Variants in LRRC8A observed in about 807,000 individuals in gnomAD.
The protein encoded by LRRC8A is leucine rich repeat containing 8 VRAC subunit A, also known as volume-regulated anion channel subunit LRRC8A.
In LRRC8A, 24 loss-of-function variants were observed where a neutral mutation model predicts 52.5. That is an observed-to-expected ratio of 0.46 (90% CI 0.33 to 0.64). LRRC8A has a LOEUF of 0.64. LRRC8A is among the 30% of genes least tolerant of loss of function. The pLI is 0.02. For missense variants in LRRC8A, 677 were observed against 1,094.7 expected, an observed-to-expected ratio of 0.62 and a Z score of 5.38; for synonymous variants, 492 against 494.2, an observed-to-expected ratio of 1.00 and a Z score of 0.06.
chr9:128,912,503 A>G (rs1446107024), intron 3 of LRRC8A, among the ~76,000 whole-genome samples: 10 of 11,178 alleles, frequency 8.9e-4, no homozygotes, highest in Non-Finnish European at 2.3e-3. Flanking sequence ...AGGTGGGGCT[A>G]TGGGGGGGGG....
intron 1 of LRRC8A, chr9:128,885,043 C>G (rs1256637681): frequency 6.5e-6 from 1 of 152,762 alleles, no homozygotes. Flanking sequence ...TCCTGGGTAA[C>G]TCCTGCTGAT....
chr9:128,900,485 G>A (rs1839982902), intron 2 of LRRC8A, among the ~76,000 whole-genome samples: 1 of 152,200 alleles, frequency 6.6e-6, no homozygotes, highest in Admixed American at 6.5e-5. Context: ...GAGGTGGGCA[G>A]ATCGCTTGAG....
At chr9:128,904,749 C>G (rs751679291) in intron 2 of LRRC8A, among the ~76,000 whole-genome samples, 2 of 151,886 alleles carry the variant, frequency 1.3e-5, no homozygotes, top group Non-Finnish European at 2.9e-5. Context: ...AATCCCAGTA[C>G]TTTGGGAGGC....
intron 2 of LRRC8A, among the ~76,000 whole-genome samples, chr9:128,890,508 G>A (rs1001446891): frequency 3.9e-5 from 6 of 152,140 alleles, no homozygotes; most frequent in East Asian, 1.9e-4. Flanking sequence ...CATGACAAAC[G>A]CACTGACCAG....
Position 128,895,548 on chromosome 9 carries a change from G to A in LRRC8A, c.-9+9427G>A, listed in dbSNP as rs552494822. ...CTCTGGGTTACTCATTTAACCCCCA[G>A]GCACAGAGATGCCCTGGCCCTGGCC... On this transcript the variant is annotated intron_variant, in intron 2 of 3. Coordinates refer to ENST00000372600, the MANE Select transcript of LRRC8A (RefSeq NM_019594.4). Among the ~76,000 whole-genome samples, 6 of 152,302 alleles carry A rather than the reference G, an allele frequency of 3.9e-5. No homozygotes were observed. The South Asian group carries it at 1.2e-3, about 32-fold the overall frequency.
chr9:128,913,124 C>T (rs1840633627), intron 3 of LRRC8A, among the ~76,000 whole-genome samples: 1 of 152,012 alleles, frequency 6.6e-6, no homozygotes, highest in Non-Finnish European at 1.5e-5. Flanking sequence ...CAGGAGTCTG[C>T]AGAAGAGGAG....
At position 128,917,098 on chromosome 9, in the gene LRRC8A, T is replaced by C. The variant is rs978806738; in HGVS notation, c.*727T>C. On this transcript the variant is annotated 3_prime_UTR_variant, in exon 4 of 4. Coordinates refer to ENST00000372600, the MANE Select transcript of LRRC8A (RefSeq NM_019594.4). ...GCTTTGAAAATGGATGGTTTGGGTA[T>C]TAAAAAGAAAAAAAAAACTTAAAAA... is the stretch of plus-strand genomic sequence containing the variant. 7 of 149,318 alleles carry C rather than the reference T, an allele frequency of 4.7e-5. No homozygotes were observed. Among genetic ancestry groups the C allele is most frequent in the African/African-American group, 1.7e-4 (7 of 40,472 alleles). The allele number at this position is 149,318 out of a possible 1,614,324, so 9.2% of individuals were successfully genotyped here. A position where few individuals can be genotyped will look rare whatever the true frequency, so the allele number is the denominator to read the frequency against.
chr9:128,886,376 T>G (rs1839395915), intron 2 of LRRC8A, among the ~76,000 whole-genome samples: 1 of 152,232 alleles, frequency 6.6e-6, no homozygotes, highest in Non-Finnish European at 1.5e-5. Context: ...CCCCAGATCT[T>G]ATCAGTCTGG....
chr9:128,894,585 G>T (rs1839751398), intron 2 of LRRC8A, among the ~76,000 whole-genome samples: 1 of 151,754 alleles, frequency 6.6e-6, no homozygotes, highest in Non-Finnish European at 1.5e-5. Context: ...TTGAGGTCAG[G>T]AGTTTGAGAC....
intron 2 of LRRC8A, among the ~76,000 whole-genome samples, chr9:128,903,340 G>A (rs1267627855): frequency 6.6e-6 from 1 of 151,742 alleles, no homozygotes; most frequent in Non-Finnish European, 1.5e-5. Flanking sequence ...CCTTCCTCCT[G>A]TCCTCCCCAT....
At chr9:128,888,499 T>C (rs572928112) in intron 2 of LRRC8A, among the ~76,000 whole-genome samples, 9 of 151,968 alleles carry the variant, frequency 5.9e-5, no homozygotes, top group Non-Finnish European at 1.2e-4. Flanking sequence ...CTGGAGGAAG[T>C]GTTGGTTGTG....
chr9:128,890,525 G>A (rs988457621), intron 2 of LRRC8A, among the ~76,000 whole-genome samples: 8 of 152,218 alleles, frequency 5.3e-5, no homozygotes, highest in Non-Finnish European at 1.0e-4. Context: ...CCAGCAGCGG[G>A]GGCGGTGGGC....
At chr9:128,901,515 A>G (rs1168602950) in intron 2 of LRRC8A, among the ~76,000 whole-genome samples, 3 of 151,960 alleles carry the variant, frequency 2.0e-5, no homozygotes, top group African/African-American at 7.3e-5. Flanking sequence ...CAGTCCAGCT[A>G]CTCTGGAGGC....
intron 2 of LRRC8A, among the ~76,000 whole-genome samples, chr9:128,906,576 G>A (rs1279054289): frequency 1.3e-5 from 2 of 151,902 alleles, no homozygotes; most frequent in Non-Finnish European, 2.9e-5. Context: ...ACCCACCTCG[G>A]CCTCCCAAAG....
At chr9:128,882,434 C>T (rs1839094093) in intron 1 of LRRC8A, 184 bp downstream of exon 1, 3 of 332,566 alleles carry the variant, frequency 9.0e-6, no homozygotes, top group Admixed American at 9.7e-5. Context: ...CCCGGAGTCT[C>T]CGGGGCACCA....
intron 2 of LRRC8A, among the ~76,000 whole-genome samples, chr9:128,886,429 T>A (rs1461452957): frequency 6.6e-6 from 1 of 152,212 alleles, no homozygotes; most frequent in East Asian, 1.9e-4. Context: ...CCAAAAAGCG[T>A]GGACCACGTT....
At chr9:128,886,686 G>T (rs1427230622) in intron 2 of LRRC8A, among the ~76,000 whole-genome samples, 1 of 152,206 alleles carries the variant, frequency 6.6e-6, no homozygotes, top group Non-Finnish European at 1.5e-5. Context: ...GTTCCCAGAG[G>T]CAGGAGAGTC....
In LRRC8A at chr9:128,892,092, C is replaced by T. The variant is rs1839644626; in HGVS notation, c.-9+5971C>T. Among the ~76,000 whole-genome samples, 1 of 152,356 alleles carries T rather than the reference C, an allele frequency of 6.6e-6. No homozygotes were observed. The highest frequency in any genetic ancestry group is 6.5e-5 in the Admixed American group (1 of 15,306). ...CCCTCCAAGCAATAGACTTGTCAACCCATTTTACAGATGAGGAAACCAGAG... is the reference window on the plus strand; with the variant it reads ...CCCTCCAAGCAATAGACTTGTCAACTCATTTTACAGATGAGGAAACCAGAG... On this transcript the variant is annotated intron_variant, in intron 2 of 3. Coordinates refer to ENST00000372600, the MANE Select transcript of LRRC8A (RefSeq NM_019594.4). This position sits in a 1 kb window ranked among gnomAD's most constrained non-coding sequence, Gnocchi z 5.2.
chr9:128,882,843 C>G, intron 1 of LRRC8A: 1 of 398,754 alleles, frequency 2.5e-6, no homozygotes, highest in Non-Finnish European at 4.4e-6. Flanking sequence ...TGTCCCAGTC[C>G]TGTGCATTCA....
Sources: allele counts gnomAD v4.1 joint callset (sites outside exome capture counted in the v4.1 genomes callset), GRCh38; gene constraint gnomAD v4.1.1; non-coding constraint Gnocchi (gnomAD v3.1); transcripts MANE v1.5; gene names NCBI Gene and HGNC (gene_info 2026-07-23, HGNC 2026-07-21).